The following PALLD variants were observed in gnomAD, a reference collection of about 807,000 sequenced individuals.
PALLD encodes the protein palladin.
PALLD carries 61 observed loss-of-function variants against 123.5 expected under a neutral mutation model. That is an observed-to-expected ratio of 0.49 (90% CI 0.40 to 0.61). The LOEUF (loss-of-function observed/expected upper bound fraction) is 0.61, where lower values mean the gene tolerates loss of function less well. Among genes scored for constraint, PALLD ranks in the 20% least tolerant of loss-of-function variants. PALLD has a pLI of 0.00. For synonymous variants in PALLD, 465 were observed against 496.4 expected (o/e 0.94, Z 0.84); for missense variants, 1,273 against 1,377.0 (o/e 0.92, Z 1.20).
intron 2 of PALLD, among the ~76,000 whole-genome samples, chr4:168,575,446 G>T (rs896935730): frequency 2.6e-5 from 4 of 151,974 alleles, no homozygotes; most frequent in Admixed American, 2.6e-4. Context: ...CACGAGAACA[G>T]CATGGGGGAA....
At chr4:168,773,760 C>T (rs1341128770) in intron 10 of PALLD, among the ~76,000 whole-genome samples, 1 of 152,164 alleles carries the variant, frequency 6.6e-6, no homozygotes, top group Non-Finnish European at 1.5e-5. Context: ...ATGGCATCTG[C>T]TGAGCCCCAC....
intron 10 of PALLD, among the ~76,000 whole-genome samples, chr4:168,745,640 A>G (rs1729777889): frequency 6.6e-6 from 1 of 152,134 alleles, no homozygotes; most frequent in Non-Finnish European, 1.5e-5. Context: ...AACACATTCT[A>G]GTGTGTTAGG....
intron 5 of PALLD, among the ~76,000 whole-genome samples, chr4:168,683,632 T>C (rs183328604): frequency 2.8e-4 from 42 of 152,316 alleles, no homozygotes; most frequent in Non-Finnish European, 5.1e-4. Flanking sequence ...GGAAAGTAGT[T>C]GTAATGAATT....
At chr4:168,778,020 T>C (rs1735407455) in intron 10 of PALLD, among the ~76,000 whole-genome samples, 1 of 152,210 alleles carries the variant, frequency 6.6e-6, no homozygotes, top group African/African-American at 2.4e-5. Flanking sequence ...TCCACTTTTC[T>C]TCGTCTTGGA....
intron 18 of PALLD, among the ~76,000 whole-genome samples, chr4:168,922,543 A>C (rs79532885): frequency 6.6e-6 from 1 of 152,204 alleles, no homozygotes; most frequent in African/African-American, 2.4e-5. Flanking sequence ...GTGCTCTTCT[A>C]AACACACTAC....
chr4:168,561,502 T>A (rs1344163654), intron 2 of PALLD, among the ~76,000 whole-genome samples: 2 of 152,232 alleles, frequency 1.3e-5, no homozygotes. Flanking sequence ...CGTGAACTCC[T>A]GGCCTAAAGT....
chr4:168,866,040 G>A (rs1385766219), intron 10 of PALLD, among the ~76,000 whole-genome samples: 1 of 151,940 alleles, frequency 6.6e-6, no homozygotes, highest in Admixed American at 6.6e-5. Context: ...AGCACTTGGG[G>A]AGGCCAAGGT....
intron 10 of PALLD, among the ~76,000 whole-genome samples, chr4:168,737,825 A>T (rs542324183): frequency 5.3e-4 from 80 of 152,350 alleles, no homozygotes; most frequent in African/African-American, 1.7e-3. Flanking sequence ...GTAGCTTAGT[A>T]GTTTAGTAGT....
rs1762781729 is a variant in PALLD at position 168,928,092 on chromosome 4, AGCACCGGGTG to A, written c.*1916_*1925del. On this transcript the variant is annotated 3_prime_UTR_variant, in exon 22 of 22. Coordinates refer to ENST00000505667, the MANE Select transcript of PALLD (RefSeq NM_001166108.2). ...AAGGTTTAAGTGATTAATAGGCTTG[AGCACCGGGTG>A]GCAGATGTTCTATGCAGTGTGGTTC... The A allele has an allele frequency of 5.1e-6, 1 of 195,454 alleles. No homozygotes were observed. The highest frequency in any genetic ancestry group is 1.1e-5 in the Non-Finnish European group (1 of 93,692). 12.1% of individuals were successfully genotyped at this position (195,454 alleles called of 1,614,324 possible).
In PALLD at chr4:168,925,901, G is replaced by T. The variant is rs546239084; in HGVS notation, c.*33-312G>T. On this transcript the variant is annotated intron_variant, in intron 21 of 21. Transcript: ENST00000505667. The stretch of plus-strand genomic sequence containing the variant: ...AGAAAATATTTTTTAAAAGGAGAGG[G>T]GGGATGAGAATTAGGAAGCTTATCA... 5.3e-5 allele frequency among the ~76,000 whole-genome samples: 8 copies of T among 152,126 alleles called. No homozygotes were observed. The South Asian group carries it at 1.7e-3, about 32-fold the overall frequency.
chr4:168,615,501 T>A (rs930992296), intron 2 of PALLD, among the ~76,000 whole-genome samples: 1 of 152,224 alleles, frequency 6.6e-6, no homozygotes, highest in Non-Finnish European at 1.5e-5. Flanking sequence ...AATTCTTAAG[T>A]ACTGACATTA....
intron 10 of PALLD, among the ~76,000 whole-genome samples, chr4:168,783,278 C>T (rs1310939694): frequency 6.6e-6 from 1 of 152,112 alleles, no homozygotes; most frequent in East Asian, 1.9e-4. Context: ...TTTAAAACTC[C>T]TGGCAGCCTC....
At chr4:168,656,748 T>C (rs1778619372) in intron 2 of PALLD, among the ~76,000 whole-genome samples, 1 of 152,240 alleles carries the variant, frequency 6.6e-6, no homozygotes, top group Non-Finnish European at 1.5e-5. Context: ...CATGCCCAAA[T>C]GGCAGCTTAT....
At chr4:168,858,715 G>A (rs1320633683) in intron 10 of PALLD, among the ~76,000 whole-genome samples, 3 of 151,880 alleles carry the variant, frequency 2.0e-5, no homozygotes, top group East Asian at 1.9e-4. Context: ...CTGGGAGGTC[G>A]AGGCTGCAGT....
rs147200230 is a variant in PALLD at position 168,819,742 on chromosome 4, C to T, written c.1965-71180C>T. On this transcript the variant is annotated intron_variant, in intron 10 of 21. Coordinates refer to ENST00000505667, the MANE Select transcript of PALLD (RefSeq NM_001166108.2). ...ACAATGCAGAAATTATTTACACACC[C>T]AGGTGTCAAAAAGCAGAGGAGAAGC... Among the ~76,000 whole-genome samples the T allele has an allele frequency of 9.2e-5, 14 of 152,262 alleles. No homozygotes were observed. The East Asian group carries it at 2.3e-3, about 25-fold the overall frequency.
chr4:168,889,472 A>G (rs974334663), intron 10 of PALLD, among the ~76,000 whole-genome samples: 5 of 152,070 alleles, frequency 3.3e-5, no homozygotes, highest in African/African-American at 1.2e-4. Context: ...CCTGCAGTCA[A>G]CTTTTTAAAC....
intron 15 of PALLD, among the ~76,000 whole-genome samples, chr4:168,905,410 A>C (rs1018660349): frequency 4.6e-5 from 7 of 151,534 alleles, no homozygotes; most frequent in African/African-American, 1.7e-4. Context: ...GGCCTCCCAA[A>C]GTGTTAGCAT....
chr4:168,715,220 G>A (rs1024921240), intron 10 of PALLD, among the ~76,000 whole-genome samples: 12 of 152,056 alleles, frequency 7.9e-5, no homozygotes, highest in Admixed American at 3.3e-4. Flanking sequence ...GCTTAGTATC[G>A]TGGACGCATC....
chr4:168,835,080 T>TC (rs1258715130), intron 10 of PALLD, among the ~76,000 whole-genome samples: 1 of 152,178 alleles, frequency 6.6e-6, no homozygotes, highest in Non-Finnish European at 1.5e-5. Context: ...ATTGTTGATT[T>TC]CCCCCCTTTC....
Sources: allele counts gnomAD v4.1 joint callset (sites outside exome capture counted in the v4.1 genomes callset), GRCh38; gene constraint gnomAD v4.1.1; transcripts MANE v1.5; gene names NCBI Gene and HGNC (gene_info 2026-07-23, HGNC 2026-07-21).